Variants in TRPS1 observed in about 807,000 individuals in gnomAD.
TRPS1 encodes the protein zinc finger transcription factor Trps1.
Under a neutral mutation model 101.2 loss-of-function variants are expected in TRPS1, and 6 were observed. The observed-to-expected ratio is 0.06, with a 90% CI of 0.03 to 0.12. The LOEUF (loss-of-function observed/expected upper bound fraction) is 0.12, where lower values mean the gene tolerates loss of function less well. Among genes scored for constraint, TRPS1 ranks in the 10% least tolerant of loss-of-function variants. The pLI is 1.00. For synonymous variants in TRPS1, 578 were observed against 589.8 expected (o/e 0.98, Z 0.29); for missense variants, 1,363 against 1,567.0 (o/e 0.87, Z 2.20).
chr8:115,534,053 TG>T (rs1271151735), intron 5 of TRPS1, among the ~76,000 whole-genome samples: 1 of 140,520 alleles, frequency 7.1e-6, no homozygotes, highest in Non-Finnish European at 1.5e-5. Context: ...CCACCACCAC[TG>T]GGGATTGAAG....
At chr8:115,487,020 T>C (rs1300389078) in intron 5 of TRPS1, among the ~76,000 whole-genome samples, 16 of 152,184 alleles carry the variant, frequency 1.1e-4, no homozygotes, top group Non-Finnish European at 1.5e-5. Flanking sequence ...ATTCAATGCC[T>C]GGACTCAAAG....
rs73706618 is a variant in TRPS1, at chr8:115,514,326, G to A, written c.2700+72675C>T. Among the ~76,000 whole-genome samples the A allele has an allele frequency of 4.5e-3, 681 of 151,734 alleles. 8 individuals carry two copies. The highest frequency in any genetic ancestry group is 0.015 in the African/African-American group (638 of 41,460). ...TGTAACACAATAATGAGGGGATTTC[G>A]GAGCTACGCTGAGTTGAATCCTGGC... On this transcript the variant is annotated intron_variant, in intron 5 of 6. Transcript: ENST00000395715.
At chr8:115,606,807 C>CAAAAAAAAAAAA (rs72238288) in intron 3 of TRPS1, among the ~76,000 whole-genome samples, 1 of 123,462 alleles carries the variant, frequency 8.1e-6, no homozygotes, top group African/African-American at 2.8e-5. Flanking sequence ...GTTCATTTGC[C>CAAAAAAAAAAAA]AAAAAAAAAA....
In TRPS1 at chr8:115,411,732, C is replaced by T. The variant is rs776569250; in HGVS notation, c.*2291G>A. 4 of 152,176 alleles carry T rather than the reference C, an allele frequency of 2.6e-5. No individual in the cohort carries two copies. Among genetic ancestry groups the T allele is most frequent in the African/African-American group, 9.7e-5 (4 of 41,368 alleles). The allele number at this position is 152,176 out of a possible 1,614,324, so 9.4% of individuals were successfully genotyped here. ...CGACAGGTGAGATCAGAATAAGGCC[C>T]GTTAACAATGAAACTGAAGCAGAGG... is the stretch of plus-strand genomic sequence containing the variant. On this transcript the variant is annotated 3_prime_UTR_variant, in exon 7 of 7. Transcript: ENST00000395715.
chr8:115,461,244 T>C (rs1449752052), intron 5 of TRPS1, among the ~76,000 whole-genome samples: 1 of 151,076 alleles, frequency 6.6e-6, no homozygotes, highest in Admixed American at 6.6e-5. Context: ...GAAAGATAAA[T>C]AGACAAGGAT....
At chr8:115,495,520 C>G (rs549987676) in intron 5 of TRPS1, among the ~76,000 whole-genome samples, 1 of 150,536 alleles carries the variant, frequency 6.6e-6, no homozygotes, top group East Asian at 1.9e-4. Context: ...AAATTAGCCA[C>G]TCACTGCATC....
At chr8:115,471,733 T>A (rs1298819708) in intron 5 of TRPS1, among the ~76,000 whole-genome samples, 1 of 151,934 alleles carries the variant, frequency 6.6e-6, no homozygotes, top group Non-Finnish European at 1.5e-5. Context: ...ACAATGGAGG[T>A]GTAGCCATTG....
chr8:115,557,963 C>G (rs138064946), intron 5 of TRPS1, among the ~76,000 whole-genome samples: 1 of 151,906 alleles, frequency 6.6e-6, no homozygotes, highest in Non-Finnish European at 1.5e-5. Context: ...CTACTTGTAA[C>G]GTTCATAATT....
intron 5 of TRPS1, among the ~76,000 whole-genome samples, chr8:115,519,852 T>C (rs1225270504): frequency 6.6e-6 from 1 of 151,716 alleles, no homozygotes; most frequent in Non-Finnish European, 1.5e-5. Context: ...TTGAATATAA[T>C]GTTTTTCCAA....
chr8:115,647,263 C>G (rs1811432481), intron 1 of TRPS1, among the ~76,000 whole-genome samples: 1 of 151,980 alleles, frequency 6.6e-6, no homozygotes, highest in African/African-American at 2.4e-5. Context: ...ATGATATGGC[C>G]TTACTAATAT....
intron 5 of TRPS1, among the ~76,000 whole-genome samples, chr8:115,537,259 C>G (rs79614448): frequency 0.044 from 6,681 of 152,116 alleles, 532 homozygotes; most frequent in African/African-American, 0.15. Flanking sequence ...CTAAGAAATG[C>G]TTCTGGAAAA....
chr8:115,573,901 G>A (rs1817261682), intron 5 of TRPS1, among the ~76,000 whole-genome samples: 1 of 152,096 alleles, frequency 6.6e-6, no homozygotes, highest in Non-Finnish European at 1.5e-5. Flanking sequence ...TAAAAGTCCA[G>A]TCTTCCTTTC....
chr8:115,572,489 T>G (rs1471941718), intron 5 of TRPS1, among the ~76,000 whole-genome samples: 1 of 152,134 alleles, frequency 6.6e-6, no homozygotes, highest in East Asian at 1.9e-4. Context: ...TCTCACTCTG[T>G]GGTACCTGAC....
At chr8:115,457,150 CA>C (rs1234102100) in intron 5 of TRPS1, among the ~76,000 whole-genome samples, 1 of 151,916 alleles carries the variant, frequency 6.6e-6, no homozygotes, top group Non-Finnish European at 1.5e-5. Context: ...TGGTGTGCAC[CA>C]AAAACAGTTT....
At chr8:115,627,174 G>T (rs1422381136) in intron 1 of TRPS1, among the ~76,000 whole-genome samples, 1 of 151,624 alleles carries the variant, frequency 6.6e-6, no homozygotes, top group Non-Finnish European at 1.5e-5. Flanking sequence ...AAAAGGCAAG[G>T]GGAATTGATT....
chr8:115,561,495 TG>T (rs1816945007), intron 5 of TRPS1, among the ~76,000 whole-genome samples: 1 of 151,874 alleles, frequency 6.6e-6, no homozygotes, highest in Non-Finnish European at 1.5e-5. Flanking sequence ...TTAATTAGTT[TG>T]GAACTCCAGT....
intron 5 of TRPS1, among the ~76,000 whole-genome samples, chr8:115,497,232 TC>T (rs1815170127): frequency 6.6e-6 from 1 of 152,142 alleles, no homozygotes; most frequent in Non-Finnish European, 1.5e-5. Flanking sequence ...ATGAAACTGT[TC>T]CTCCTCAGAT....
chr8:115,424,950 T>C (rs530746003), intron 5 of TRPS1, among the ~76,000 whole-genome samples: 4 of 152,322 alleles, frequency 2.6e-5, no homozygotes, highest in Admixed American at 1.3e-4. Context: ...TCGAAGGCCA[T>C]GTCCCTCCCC....
chr8:115,452,794 T>C (rs1813909679), intron 5 of TRPS1, among the ~76,000 whole-genome samples: 1 of 152,152 alleles, frequency 6.6e-6, no homozygotes. Flanking sequence ...AACATAAGAA[T>C]TTATCATTTT....
Sources: allele counts gnomAD v4.1 joint callset (sites outside exome capture counted in the v4.1 genomes callset), GRCh38; gene constraint gnomAD v4.1.1; transcripts MANE v1.5; gene names NCBI Gene and HGNC (gene_info 2026-07-23, HGNC 2026-07-21).